PPFIA3: variants seen among roughly 807,000 people sequenced by gnomAD.
PPFIA3 encodes liprin-alpha-3.
In PPFIA3, 26 loss-of-function variants were observed where a neutral mutation model predicts 145.8. The ratio of observed to expected loss-of-function variants is 0.18; its 90% CI spans 0.13 to 0.25. The LOEUF (loss-of-function observed/expected upper bound fraction) is 0.25, where lower values mean the gene tolerates loss of function less well. Among genes scored for constraint, PPFIA3 ranks in the 10% least tolerant of loss-of-function variants. PPFIA3 has a pLI of 1.00. For missense variants in PPFIA3, 1,008 were observed against 1,587.8 expected, an observed-to-expected ratio of 0.63 and a Z score of 6.21; for synonymous variants, 645 against 661.4, an observed-to-expected ratio of 0.98 and a Z score of 0.38.
chr19:49,144,286 G>T (rs1202687791), intron 21 of PPFIA3, among the ~76,000 whole-genome samples: 1 of 152,180 alleles, frequency 6.6e-6, no homozygotes, highest in Non-Finnish European at 1.5e-5. Flanking sequence ...TGGGATTACA[G>T]GCGTGAGCCA....
In PPFIA3 at chr19:49,133,015, G is replaced by A. The variant is rs777084862; in HGVS notation, c.894G>A (p.Arg298=). 6.2e-7 allele frequency: 1 copy of A among 1,611,914 alleles called. No homozygotes were observed. The highest frequency in any genetic ancestry group is 8.5e-7 in the Non-Finnish European group (1 of 1,179,686). ...QRDLKEALAQ[R]EDMEERITTL... ...TACCTCCGCAGGCGCTGGCGCAGCG[G>A]GAAGATATGGAGGAGCGGATTACAA... The change falls in exon 8 of 30, where the codon CGG becomes CGA. Residue 298 remains arginine (R), a synonymous_variant. Transcript: ENST00000334186. The surrounding 1 kb of genome is among the most constrained non-coding windows in gnomAD (Gnocchi z 7.2).
chr19:49,140,156 C>T (rs2041201087), intron 18 of PPFIA3, 68 bp downstream of exon 18: 2 of 1,532,736 alleles, frequency 1.3e-6, no homozygotes, highest in Non-Finnish European at 1.8e-6. Flanking sequence ...TTTCTTTCTT[C>T]TTTGTATGTT....
In PPFIA3 at chr19:49,128,092, G is replaced by A. The variant is rs1182597431; in HGVS notation, c.219G>A (p.Gln73=). ...LGHEKDSLQR[Q]LSIALPQEFA... ...ACGAGAAGGACTCGCTGCAGCGCCA[G>A]CTCAGCATCGCGCTGCCCCAGGTCT... The change falls in exon 2 of 30, where the codon CAG becomes CAA. Residue 73 remains glutamine (Q), a synonymous_variant. Transcript: ENST00000334186. This position sits in a 1 kb window ranked among gnomAD's most constrained non-coding sequence, Gnocchi z 4.1. 1.9e-6 allele frequency: 3 copies of A among 1,574,686 alleles called. No homozygotes were observed. Among genetic ancestry groups the A allele is most frequent in the Non-Finnish European group, 2.6e-6 (3 of 1,169,088 alleles).
At chr19:49,150,207 T>G (rs1433172387) in intron 29 of PPFIA3, 29 bp from the exon 30 acceptor site, 6 of 1,432,106 alleles carry the variant, frequency 4.2e-6, no homozygotes, top group Non-Finnish European at 5.8e-6. Context: ...GGATCTTCAC[T>G]GCTCCACGCG....
rs190017708 is a variant in PPFIA3, at chr19:49,137,555, G to A, written c.1853+644G>A. 9.6e-5 allele frequency among the ~76,000 whole-genome samples: 14 copies of A among 145,768 alleles called. 1 individual carries two copies. Among genetic ancestry groups the A allele is most frequent in the Admixed American group, 9.2e-4 (13 of 14,138 alleles). ...TGAGGCAGGAGAATGGCATGAACCCGGGAGGCGGAGCTTGCAGTGAGCCGA... is the reference window on the plus strand; with the variant it reads ...TGAGGCAGGAGAATGGCATGAACCCAGGAGGCGGAGCTTGCAGTGAGCCGA... On this transcript the variant is annotated intron_variant, in intron 15 of 29. Transcript: ENST00000334186.
Position 49,128,511 on chromosome 19 carries a change from C to T in PPFIA3, c.342+43C>T. On this transcript the variant is annotated intron_variant, in intron 3 of 29. Transcript: ENST00000334186. This position sits in a 1 kb window ranked among gnomAD's most constrained non-coding sequence, Gnocchi z 4.1. Reference sequence around the variant, plus strand: ...CGGGGCCTAAGTGGGGGCGGGGCCTCGTGGTGTTGAAGTGGGGGGCGGGGC... The same window carrying T: ...CGGGGCCTAAGTGGGGGCGGGGCCTTGTGGTGTTGAAGTGGGGGGCGGGGC... 2.4e-6 allele frequency: 3 copies of T among 1,268,656 alleles called. No individual in the cohort carries two copies. Among genetic ancestry groups the T allele is most frequent in the Non-Finnish European group, 3.3e-6 (3 of 908,642 alleles). The allele number at this position is 1,268,656 out of a possible 1,614,324, so 78.6% of individuals were successfully genotyped here.
intron 20 of PPFIA3, 97 bp from the exon 21 acceptor site, chr19:49,142,707 C>T: frequency 1.0e-6 from 1 of 984,472 alleles, no homozygotes; most frequent in East Asian, 2.8e-5. Flanking sequence ...TCGCTCCCCA[C>T]CCCCTTGCCT....
At position 49,130,614 on chromosome 19, in the gene PPFIA3, G is replaced by A; in HGVS notation, c.879+15G>A. On this transcript the variant is annotated intron_variant, in intron 7 of 29. Coordinates refer to ENST00000334186, the MANE Select transcript of PPFIA3 (RefSeq NM_003660.4). The surrounding 1 kb of genome is among the most constrained non-coding windows in gnomAD (Gnocchi z 4.5). ...ACCTCAAGGAGGTGAGGCCCCCAGG[G>A]AGGCGGGCTGCCCTGGGTCCCTCGC... The A allele has an allele frequency of 8.4e-6, 13 of 1,546,906 alleles. No individual in the cohort carries two copies. Among genetic ancestry groups the A allele is most frequent in the Non-Finnish European group, 1.1e-5 (13 of 1,145,836 alleles).
chr19:49,142,026 C>G lies in PPFIA3; in HGVS notation c.2463-8C>G. The G allele has an allele frequency of 6.4e-7, 1 of 1,560,614 alleles. No individual in the cohort carries two copies. Among genetic ancestry groups the G allele is most frequent in the Non-Finnish European group, 8.7e-7 (1 of 1,151,674 alleles). ...ACAGCTTCTATCCTGGCCCCTTCAC[C>G]CTTACAGGCATGAACTCCTGGAGGA... On this transcript the variant is annotated splice_polypyrimidine_tract_variant and splice_region_variant and intron_variant, in intron 19 of 29. Coordinates refer to ENST00000334186, the MANE Select transcript of PPFIA3 (RefSeq NM_003660.4).
intron 18 of PPFIA3, among the ~76,000 whole-genome samples, chr19:49,140,639 C>CTTTTTTTTTTTTTTTTTT (rs4002348): frequency 1.1e-4 from 7 of 63,830 alleles, no homozygotes; most frequent in African/African-American, 4.7e-4. Flanking sequence ...ACTCATTTAC[C>CTTTTTTTTTTTTTTTTTT]TTTTTTTTTT....
At position 49,149,296 on chromosome 19, in the gene PPFIA3, T is replaced by G; in HGVS notation, c.3325T>G (p.Ser1109Ala). 1 of 1,614,002 alleles carries G rather than the reference T, an allele frequency of 6.2e-7. No homozygotes were observed. The highest frequency in any genetic ancestry group is 8.5e-7 in the Non-Finnish European group (1 of 1,179,996). ...GGAGAAGGAATTCAGCAACCTTATC[T>G]CCTTAGGCACAGACAGGCGGCTGGA... is the stretch of plus-strand genomic sequence containing the variant. Reference protein sequence around the residue: ...LLEKEFSNLISLGTDRRLDED... With the variant: ...LLEKEFSNLIALGTDRRLDED... Residue 1109 changes from serine to alanine, a missense_variant, in exon 27 of 30, where the codon TCC becomes GCC. Transcript: ENST00000334186. The surrounding 1 kb of genome is among the most constrained non-coding windows in gnomAD (Gnocchi z 5.7).
At position 49,130,703 on chromosome 19, in the gene PPFIA3, G is replaced by A; in HGVS notation, c.879+104G>A. The A allele has an allele frequency of 2.1e-6, 2 of 946,160 alleles. No homozygotes were observed. Among genetic ancestry groups the A allele is most frequent in the Admixed American group, 2.6e-5 (1 of 38,308 alleles). The allele number at this position is 946,160 out of a possible 1,614,324, so 58.6% of individuals were successfully genotyped here. ...GGCGGAACCTCGATTCAGTCCACAG[G>A]CTGGGTGACTCCTCTTTGAGATTCA... On this transcript the variant is annotated intron_variant, in intron 7 of 29. Coordinates refer to ENST00000334186, the MANE Select transcript of PPFIA3 (RefSeq NM_003660.4). The surrounding 1 kb of genome is among the most constrained non-coding windows in gnomAD (Gnocchi z 4.5).
intron 17 of PPFIA3, 47 bp downstream of exon 17, chr19:49,139,878 G>T: frequency 1.9e-6 from 3 of 1,611,234 alleles, no homozygotes; most frequent in Non-Finnish European, 2.5e-6. Context: ...GGCTTGGGAA[G>T]ATGAGAAGGG....
Position 49,136,891 on chromosome 19 carries a change from G to A in PPFIA3, c.1833G>A (p.Glu611=), listed in dbSNP as rs1003859501. The part of the protein sequence containing the change: ...TLAIMLQEQL[E]AINKEIKLIQ... ...CCATCATGCTTCAGGAGCAGCTGGA[G>A]GCCATCAACAAGGAGATCAAGTGAG... Residue 611 remains glutamate, a synonymous_variant, in exon 15 of 30, where the codon GAG becomes GAA. Transcript: ENST00000334186. The A allele has an allele frequency of 2.6e-6, 4 of 1,560,486 alleles. No homozygotes were observed. Among genetic ancestry groups the A allele is most frequent in the Non-Finnish European group, 3.5e-6 (4 of 1,151,552 alleles).
At position 49,128,174 on chromosome 19, in the gene PPFIA3, C is replaced by T; in HGVS notation, c.240+61C>T. On this transcript the variant is annotated intron_variant, in intron 2 of 29. Coordinates refer to ENST00000334186, the MANE Select transcript of PPFIA3 (RefSeq NM_003660.4). The surrounding 1 kb of genome is among the most constrained non-coding windows in gnomAD (Gnocchi z 4.1). ...GGGCCTCGGGGGGAAGAAGGCGGTCCGGAAGGGGCCGGGCTTGGCGCCTGG... is the reference window on the plus strand; with the variant it reads ...GGGCCTCGGGGGGAAGAAGGCGGTCTGGAAGGGGCCGGGCTTGGCGCCTGG... 1 of 1,467,060 alleles carries T rather than the reference C, an allele frequency of 6.8e-7. No individual in the cohort carries two copies. Among genetic ancestry groups the T allele is most frequent in the Non-Finnish European group, 9.0e-7 (1 of 1,109,648 alleles). 90.9% of individuals were successfully genotyped at this position (1,467,060 alleles called of 1,614,324 possible).
chr19:49,149,994 G>A lies in PPFIA3; in HGVS notation c.3527-86G>A. On this transcript the variant is annotated intron_variant, in intron 28 of 29. Coordinates refer to ENST00000334186, the MANE Select transcript of PPFIA3 (RefSeq NM_003660.4). This position sits in a 1 kb window ranked among gnomAD's most constrained non-coding sequence, Gnocchi z 5.7. Reference sequence around the variant, plus strand: ...GGAGCCCGGCGATCGTTGTGACATCGGGAAGGGAAGTCCAAAGGGAGGAAT... The same window carrying A: ...GGAGCCCGGCGATCGTTGTGACATCAGGAAGGGAAGTCCAAAGGGAGGAAT... 1 of 1,449,748 alleles carries A rather than the reference G, an allele frequency of 6.9e-7. No individual in the cohort carries two copies. The highest frequency in any genetic ancestry group is 1.2e-5 in the South Asian group (1 of 80,748). 89.8% of individuals were successfully genotyped at this position (1,449,748 alleles called of 1,614,324 possible).
chr19:49,126,076 G>A (rs1368391657), intron 1 of PPFIA3, among the ~76,000 whole-genome samples: 1 of 142,910 alleles, frequency 7.0e-6, no homozygotes, highest in Non-Finnish European at 1.5e-5. Flanking sequence ...TCAGCCTCCC[G>A]AGTAGCTGGG....
chr19:49,122,410 C>T (rs7251335), intron 1 of PPFIA3, among the ~76,000 whole-genome samples: 44,890 of 151,924 alleles, frequency 0.3, 6,945 homozygotes, highest in African/African-American at 0.34. Flanking sequence ...TTAGATAAGA[C>T]CCCTGAGCCA....
chr19:49,134,773 G>A, intron 12 of PPFIA3, 63 bp from the exon 13 acceptor site: 4 of 1,611,160 alleles, frequency 2.5e-6, no homozygotes, highest in Non-Finnish European at 3.4e-6. Context: ...TGCAAGTCTG[G>A]CAGGGGCTGT....
Sources: allele counts gnomAD v4.1 joint callset (sites outside exome capture counted in the v4.1 genomes callset), GRCh38; gene constraint gnomAD v4.1.1; non-coding constraint Gnocchi (gnomAD v3.1); transcripts MANE v1.5; gene names NCBI Gene and HGNC (gene_info 2026-07-23, HGNC 2026-07-21).